The following RP1 variants were observed in gnomAD, a reference collection of about 807,000 sequenced individuals.
The protein encoded by RP1 is oxygen-regulated protein 1.
RP1 carries 16 observed loss-of-function variants against 14.8 expected under a neutral mutation model. That is an observed-to-expected ratio of 1.08 (90% CI 0.73 to 1.65). The LOEUF (loss-of-function observed/expected upper bound fraction) is 1.65. RP1 is among the 40% of genes most tolerant of loss of function. The probability of loss-of-function intolerance (pLI) is 0.00; values close to 1 mark genes in which losing one functional copy is unlikely to be tolerated. For missense variants in RP1, 2,631 were observed against 2,535.0 expected, an observed-to-expected ratio of 1.04 and a Z score of -0.81; for synonymous variants, 876 against 883.6, an observed-to-expected ratio of 0.99 and a Z score of 0.15.
intron 1 of RP1, among the ~76,000 whole-genome samples, chr8:54,606,609 G>A (rs559220516): frequency 6.6e-6 from 1 of 152,296 alleles, no homozygotes; most frequent in South Asian, 2.1e-4. Flanking sequence ...GATTGGGGAA[G>A]TTCTCCTGGT....
chr8:54,640,999 G>C (rs1288308005), intron 3 of RP1, among the ~76,000 whole-genome samples: 3 of 126,250 alleles, frequency 2.4e-5, no homozygotes, highest in Non-Finnish European at 4.8e-5. Flanking sequence ...TTGCCGTGTT[G>C]CCCAGGCTGG....
chr8:54,818,878 G>A (rs1023574776), intron 24 of RP1, among the ~76,000 whole-genome samples: 8 of 152,136 alleles, frequency 5.3e-5, no homozygotes, highest in Admixed American at 5.2e-4. Flanking sequence ...TGCATTCTGT[G>A]AGGAGAGTCT....
intron 23 of RP1, among the ~76,000 whole-genome samples, chr8:54,775,857 A>G (rs1257594224): frequency 1.3e-5 from 2 of 152,176 alleles, no homozygotes; most frequent in Admixed American, 6.5e-5. Flanking sequence ...CCTAATGACC[A>G]GCACACAGTA....
At chr8:54,764,721 G>A (rs996930745) in intron 22 of RP1, among the ~76,000 whole-genome samples, 6 of 152,132 alleles carry the variant, frequency 3.9e-5, no homozygotes, top group Non-Finnish European at 1.5e-5. Flanking sequence ...CATTAATCAA[G>A]ACACTATAAG....
intron 22 of RP1, among the ~76,000 whole-genome samples, chr8:54,766,750 A>G (rs139886495): frequency 0.029 from 4,471 of 152,256 alleles, 127 homozygotes; most frequent in African/African-American, 0.066. Context: ...CTTTAATCTT[A>G]AAAGACTAAC....
At chr8:54,831,020 A>G (rs770746573) in intron 24 of RP1, among the ~76,000 whole-genome samples, 11 of 152,090 alleles carry the variant, frequency 7.2e-5, no homozygotes, top group Non-Finnish European at 1.6e-4. Context: ...TCCATGTTGA[A>G]GCATACATCC....
chr8:54,650,378 C>T (rs1351355646), intron 4 of RP1, among the ~76,000 whole-genome samples: 1 of 152,100 alleles, frequency 6.6e-6, no homozygotes, highest in African/African-American at 2.4e-5. Context: ...TTACATCTTC[C>T]TTTCCTTTTT....
At chr8:54,566,486 C>G (rs112205057) in intron 1 of RP1, among the ~76,000 whole-genome samples, 15 of 152,178 alleles carry the variant, frequency 9.9e-5, no homozygotes, top group Non-Finnish European at 1.0e-4. Context: ...AAGGACCTCA[C>G]AGGGTAAAGC....
chr8:54,649,073 T>C (rs911847572), exon 4 of RP1: 4 of 1,532,566 alleles, frequency 2.6e-6, no homozygotes, highest in African/African-American at 1.4e-5. Context: ...ATGGACAACA[T>C]AGAAGTTCAG....
chr8:54,677,394 G>C (rs371043), intron 8 of RP1, among the ~76,000 whole-genome samples: 33,405 of 151,960 alleles, frequency 0.22, 4,260 homozygotes, highest in East Asian at 0.42. Context: ...GAGGGATGAA[G>C]CTGAAGAGTA....
rs115754494 is a variant in RP1 at position 54,720,459 on chromosome 8, A to G, written c.2389+153A>G. ...CCAGAAGCAATGGAAGGAAAACATA[A>G]TGAAGACCAGTTGCCTCAAGTTTTC... is the stretch of plus-strand genomic sequence containing the variant. On this transcript the variant is annotated intron_variant, in intron 16 of 22. Transcript: ENST00000636932. Among the ~76,000 whole-genome samples the G allele has an allele frequency of 2.2e-3, 338 of 152,332 alleles. 1 individual carries two copies. The highest frequency in any genetic ancestry group is 7.5e-3 in the African/African-American group (312 of 41,578).
intron 26 of RP1, among the ~76,000 whole-genome samples, chr8:54,855,565 A>G (rs571949613): frequency 2.0e-5 from 3 of 152,364 alleles, no homozygotes; most frequent in African/African-American, 4.8e-5. Context: ...GGGAAGGCAC[A>G]CAGTGGGAGA....
At chr8:54,640,959 C>CAT (rs1554520616) in intron 3 of RP1, among the ~76,000 whole-genome samples, 1 of 128,378 alleles carries the variant, frequency 7.8e-6, no homozygotes, top group Non-Finnish European at 1.6e-5. Context: ...TATAAATCTC[C>CAT]TTTTTTTTTT....
At chr8:54,713,181 A>C (rs1000625679) in intron 15 of RP1, among the ~76,000 whole-genome samples, 1 of 152,120 alleles carries the variant, frequency 6.6e-6, no homozygotes, top group African/African-American at 2.4e-5. Context: ...ATACACTTAC[A>C]TTTAAATAAA....
intron 1 of RP1, among the ~76,000 whole-genome samples, chr8:54,603,611 C>G (rs1805351111): frequency 6.6e-6 from 1 of 152,158 alleles, no homozygotes; most frequent in African/African-American, 2.4e-5. Flanking sequence ...GGCATTGAAT[C>G]TATAAATTAC....
At chr8:54,852,711 A>C (rs527795884) in exon 26 of RP1, 9 of 1,231,938 alleles carry the variant, frequency 7.3e-6, no homozygotes, top group Non-Finnish European at 9.1e-6. Flanking sequence ...CAATGAAATC[A>C]AGTTTCAGCG....
chr8:54,653,504 TC>T (rs1380653660), intron 5 of RP1, among the ~76,000 whole-genome samples: 1 of 152,200 alleles, frequency 6.6e-6, no homozygotes, highest in Non-Finnish European at 1.5e-5. Context: ...GAAAATCTAG[TC>T]ATATTCCTGA....
downstream of RP1, among the ~76,000 whole-genome samples, chr8:54,772,167 T>A (rs142318362): frequency 6.6e-6 from 1 of 152,192 alleles, no homozygotes; most frequent in Non-Finnish European, 1.5e-5. Context: ...ATAATTCATA[T>A]AGGTAAAATC....
chr8:54,855,359 C>G (rs1585750415), intron 26 of RP1, among the ~76,000 whole-genome samples: 1 of 152,294 alleles, frequency 6.6e-6, no homozygotes, highest in African/African-American at 2.4e-5. Flanking sequence ...TTTTGTTTAT[C>G]CATTTACCCC....
Sources: gnomAD v4.1 joint callset for allele counts (sites outside exome capture counted in the v4.1 genomes callset) on GRCh38, gnomAD v4.1.1 for gene constraint, MANE v1.5 for transcripts, NCBI Gene and HGNC (gene_info 2026-07-23, HGNC 2026-07-21) for gene names.